Variants in DOCK4 observed in about 807,000 individuals in gnomAD.
DOCK4 encodes the protein dedicator of cytokinesis protein 4.
DOCK4 carries 97 observed loss-of-function variants against 268.1 expected under a neutral mutation model. That is an observed-to-expected ratio of 0.36 (90% CI 0.31 to 0.43). The LOEUF is 0.43. Ranked by LOEUF, DOCK4 falls within the 20% of genes least tolerant of loss-of-function variation. DOCK4 has a pLI of 1.00. For synonymous variants in DOCK4, 954 were observed against 887.2 expected (o/e 1.08, Z -1.34); for missense variants, 2,145 against 2,455.7 (o/e 0.87, Z 2.67).
chr7:112,164,716 T>A (rs957453855), intron 1 of DOCK4, among the ~76,000 whole-genome samples: 1 of 152,238 alleles, frequency 6.6e-6, no homozygotes, highest in Non-Finnish European at 1.5e-5. Context: ...CCAGACATCA[T>A]GCTAAATGCA....
chr7:112,033,104 T>C (rs557647415), intron 1 of DOCK4, among the ~76,000 whole-genome samples: 1 of 152,304 alleles, frequency 6.6e-6, no homozygotes, highest in East Asian at 1.9e-4. Flanking sequence ...TTCCAATTTT[T>C]ATACTGCACA....
At chr7:111,824,830 A>G (rs1802274082) in intron 26 of DOCK4, among the ~76,000 whole-genome samples, 2 of 152,220 alleles carry the variant, frequency 1.3e-5, no homozygotes, top group Non-Finnish European at 1.5e-5. Flanking sequence ...AGCATGTGAC[A>G]TTGCCAATGC....
At chr7:111,809,524 T>C (rs1398927452) in intron 28 of DOCK4, 123 bp from the exon 29 acceptor site, 6 of 726,194 alleles carry the variant, frequency 8.3e-6, no homozygotes, top group African/African-American at 1.8e-5. Context: ...AGACTGACCA[T>C]GAGTTGATAA....
Position 111,811,892 on chromosome 7 carries a change from A to G in DOCK4, c.2988T>C (p.Asn996=). The G allele has an allele frequency of 2.6e-6, 4 of 1,522,960 alleles. No individual in the cohort carries two copies. The highest frequency in any genetic ancestry group is 2.7e-6 in the Non-Finnish European group (3 of 1,122,730). The allele number at this position is 1,522,960 out of a possible 1,614,324, so 94.3% of individuals were successfully genotyped here. A position where few individuals can be genotyped will look rare whatever the true frequency, so the allele number is the denominator to read the frequency against. ...TGCTTACCTTATAATCAAAGTTTTC[A>G]TTTAAGAAGTTCTTACGAAGTGCAT... The part of the protein sequence containing the change: ...LSDALRKNFL[N]ENFDYKIWDS... Residue 996 remains asparagine, a synonymous_variant, in exon 28 of 53, where the codon AAT becomes AAC. Coordinates refer to ENST00000428084, the MANE Select transcript of DOCK4 (RefSeq NM_001363540.2).
At chr7:111,769,248 T>C (rs891457365) in intron 37 of DOCK4, among the ~76,000 whole-genome samples, 4 of 152,194 alleles carry the variant, frequency 2.6e-5, no homozygotes, top group African/African-American at 9.7e-5. Flanking sequence ...GTCATGCACA[T>C]TGGACTCTCC....
chr7:111,805,637 C>A (rs894104980), intron 30 of DOCK4, among the ~76,000 whole-genome samples: 7 of 152,122 alleles, frequency 4.6e-5, no homozygotes, highest in African/African-American at 1.7e-4. Flanking sequence ...GCAGACAAGT[C>A]ACTGAATTAC....
chr7:111,818,249 T>C (rs1801707177), intron 27 of DOCK4, among the ~76,000 whole-genome samples: 1 of 152,178 alleles, frequency 6.6e-6, no homozygotes, highest in African/African-American at 2.4e-5. Context: ...AACCATATGC[T>C]GAGGAGCCCA....
chr7:112,101,303 T>C (rs1810655828), intron 1 of DOCK4, among the ~76,000 whole-genome samples: 1 of 152,226 alleles, frequency 6.6e-6, no homozygotes, highest in Non-Finnish European at 1.5e-5. Flanking sequence ...CTACAATACA[T>C]CACTCAAAAT....
At chr7:111,952,256 C>T (rs944500773) in intron 8 of DOCK4, among the ~76,000 whole-genome samples, 1 of 152,190 alleles carries the variant, frequency 6.6e-6, no homozygotes, top group African/African-American at 2.4e-5. Flanking sequence ...AAAAAGACCT[C>T]TAATGATGAC....
chr7:112,056,026 C>A (rs1805785237), intron 1 of DOCK4, among the ~76,000 whole-genome samples: 1 of 152,028 alleles, frequency 6.6e-6, no homozygotes, highest in South Asian at 2.1e-4. Context: ...ATACCTAATA[C>A]TATGATCAGA....
chr7:111,957,449 GTTCAT>G (rs902618933), intron 8 of DOCK4, among the ~76,000 whole-genome samples: 3 of 152,068 alleles, frequency 2.0e-5, no homozygotes, highest in African/African-American at 4.8e-5. Flanking sequence ...AAATCCCAAA[GTTCAT>G]TTCAAGTAAA....
chr7:111,893,041 A>G (rs1032355876), intron 16 of DOCK4, among the ~76,000 whole-genome samples: 1 of 152,184 alleles, frequency 6.6e-6, no homozygotes, highest in East Asian at 1.9e-4. Context: ...GGTTGAGGTC[A>G]CAATTTTCAT....
chr7:111,977,446 G>A (rs1179869738), intron 7 of DOCK4, among the ~76,000 whole-genome samples, 163 bp from the exon 8 acceptor site: 2 of 152,108 alleles, frequency 1.3e-5, no homozygotes, highest in Non-Finnish European at 2.9e-5. Flanking sequence ...TACATTCTAT[G>A]TCTTTCAGAC....
Position 112,004,676 on chromosome 7 carries a change from T to C in DOCK4, c.38-545A>G, listed in dbSNP as rs539829036. Among the ~76,000 whole-genome samples the C allele has an allele frequency of 1.6e-4, 24 of 152,312 alleles. No individual in the cohort carries two copies. In the South Asian group the frequency reaches 2.1e-3, roughly 13 times the overall value. ...TACGTGCCCAGAGCCTAGCATAGTA[T>C]GTGGTGCATAAAAGCAGTCTTCTTC... On this transcript the variant is annotated intron_variant, in intron 1 of 52. Transcript: ENST00000428084.
intron 1 of DOCK4, among the ~76,000 whole-genome samples, chr7:112,098,515 A>C (rs1298923148): frequency 6.7e-6 from 1 of 150,042 alleles, no homozygotes; most frequent in East Asian, 1.9e-4. Flanking sequence ...ATATATATAT[A>C]ATTTCCTTTA....
chr7:111,975,757 A>G (rs1436931104), intron 8 of DOCK4, among the ~76,000 whole-genome samples: 1 of 152,214 alleles, frequency 6.6e-6, no homozygotes, highest in African/African-American at 2.4e-5. Context: ...ATATAAGTTA[A>G]TTCAACAAAG....
At chr7:111,991,961 C>CAAAAAAAAA (rs60667093) in intron 5 of DOCK4, among the ~76,000 whole-genome samples, 35 of 50,916 alleles carry the variant, frequency 6.9e-4, no homozygotes, top group East Asian at 6.5e-3. Context: ...ACTCTGTCTC[C>CAAAAAAAAA]AAAAAAAAAA....
intron 1 of DOCK4, among the ~76,000 whole-genome samples, chr7:112,200,670 T>C (rs935957563): frequency 6.7e-6 from 1 of 148,986 alleles, no homozygotes; most frequent in Admixed American, 6.8e-5. Flanking sequence ...AAATCCTAAA[T>C]TTCTTGAAAT....
intron 1 of DOCK4, among the ~76,000 whole-genome samples, chr7:112,101,923 A>G (rs1232705828): frequency 6.6e-6 from 1 of 151,728 alleles, no homozygotes; most frequent in African/African-American, 2.4e-5. Context: ...GCTTACTGCA[A>G]GCTCCGCCTC....
Sources: allele counts gnomAD v4.1 joint callset (sites outside exome capture counted in the v4.1 genomes callset), GRCh38; gene constraint gnomAD v4.1.1; transcripts MANE v1.5; gene names NCBI Gene and HGNC (gene_info 2026-07-23, HGNC 2026-07-21).